TSC22D1: variants seen among roughly 807,000 people sequenced by gnomAD.
TSC22D1 encodes TSC22 domain family member 1.
In TSC22D1, 9 loss-of-function variants were observed where a neutral mutation model predicts 74.2. The observed-to-expected ratio is 0.12, with a 90% CI of 0.07 to 0.21. The LOEUF (loss-of-function observed/expected upper bound fraction) is 0.21. Among genes scored for constraint, TSC22D1 ranks in the 10% least tolerant of loss-of-function variants. TSC22D1 has a pLI of 1.00. For synonymous variants in TSC22D1, 586 were observed against 492.5 expected (o/e 1.19, Z -2.51); for missense variants, 1,427 against 1,304.7 (o/e 1.09, Z -1.44).
chr13:44,500,133 C>T (rs1879162244), intron 1 of TSC22D1, among the ~76,000 whole-genome samples: 1 of 151,216 alleles, frequency 6.6e-6, no homozygotes, highest in South Asian at 2.1e-4. Context: ...GAAAAAAGCT[C>T]ACGGCTAACT....
Position 44,575,415 on chromosome 13 carries a change from G to C in TSC22D1, c.660C>G (p.Leu220=). 6.2e-7 allele frequency: 1 copy of C among 1,613,902 alleles called. No homozygotes were observed. The highest frequency in any genetic ancestry group is 8.5e-7 in the Non-Finnish European group (1 of 1,179,910). The change falls in exon 1 of 3, where the codon CTC becomes CTG. Residue 220 remains leucine, a synonymous_variant. Transcript: ENST00000458659. The part of the protein sequence containing the change: ...VINGNAHPHH[L]HHHHQIHHGH... The stretch of plus-strand genomic sequence containing the variant: ...CATGATGAATCTGATGGTGGTGATG[G>C]AGGTGGTGTGGATGAGCATTCCCAT...
intron 1 of TSC22D1, among the ~76,000 whole-genome samples, chr13:44,450,358 A>G (rs972765204): frequency 2.6e-5 from 4 of 152,238 alleles, no homozygotes; most frequent in African/African-American, 9.6e-5. Context: ...AGGCCATGTG[A>G]TGGGAGACTG....
chr13:44,549,617 T>C (rs1477253162), intron 1 of TSC22D1, among the ~76,000 whole-genome samples: 1 of 151,350 alleles, frequency 6.6e-6, no homozygotes. Flanking sequence ...TACAAAAAAT[T>C]AGCCAGGCAT....
intron 1 of TSC22D1, among the ~76,000 whole-genome samples, chr13:44,544,010 C>T (rs1384177045): frequency 2.0e-5 from 3 of 152,116 alleles, no homozygotes; most frequent in Admixed American, 2.0e-4. Flanking sequence ...GGAGAACCGC[C>T]TGAGCCTGGG....
Position 44,575,693 on chromosome 13 carries a change from T to G in TSC22D1, c.382A>C (p.Asn128His). Reference sequence around the variant, plus strand: ...TCAGTGTCCTCTGCTATACTGTTGTTAGAGCTGATACTAGCGGAGATCTGA... The same window carrying G: ...TCAGTGTCCTCTGCTATACTGTTGTGAGAGCTGATACTAGCGGAGATCTGA... ...PAQISASISSNNSIAEDTESY... is the reference protein window; with the variant it reads ...PAQISASISSHNSIAEDTESY... The change falls in exon 1 of 3, where the codon AAC (asparagine) becomes CAC (histidine). Residue 128 changes from asparagine to histidine, a missense_variant. By Grantham distance (68) the Asn-to-His change is moderately conservative. Around this residue, in one of 3 missense-constraint regions of TSC22D1, gnomAD observed 1,343 missense variants for 1,191.5 expected, o/e 1.13. Coordinates refer to ENST00000458659, the MANE Select transcript of TSC22D1 (RefSeq NM_183422.4). The G allele has an allele frequency of 6.2e-7, 1 of 1,614,196 alleles. No homozygotes were observed. The highest frequency in any genetic ancestry group is 8.5e-7 in the Non-Finnish European group (1 of 1,180,030).
intron 1 of TSC22D1, among the ~76,000 whole-genome samples, chr13:44,511,667 A>G (rs1043471465): frequency 6.6e-6 from 1 of 151,848 alleles, no homozygotes; most frequent in African/African-American, 2.4e-5. Flanking sequence ...TGTTGTTGTT[A>G]AACAATCAGG....
intron 1 of TSC22D1, chr13:44,437,118 C>A: frequency 3.0e-6 from 3 of 983,686 alleles, no homozygotes; most frequent in Non-Finnish European, 3.6e-6. Flanking sequence ...GCCATTGCTT[C>A]GGCAGAAAAT....
intron 2 of TSC22D1, chr13:44,435,413 C>T (rs940302983): frequency 4.5e-5 from 7 of 155,940 alleles, no homozygotes; most frequent in Admixed American, 3.2e-4. Context: ...TTTATAGCTC[C>T]GAATTAAAGG....
intron 1 of TSC22D1, chr13:44,540,081 T>C (rs1208078094): frequency 2.4e-6 from 1 of 420,726 alleles, no homozygotes; most frequent in Admixed American, 3.4e-5. Flanking sequence ...ATTTTAGAAG[T>C]CTGTCACCAC....
At chr13:44,518,102 C>T (rs937824628) in intron 1 of TSC22D1, among the ~76,000 whole-genome samples, 3 of 149,906 alleles carry the variant, frequency 2.0e-5, no homozygotes, top group Admixed American at 6.7e-5. Flanking sequence ...GATCCTCCAG[C>T]GTTGGCCTCC....
chr13:44,525,260 G>A (rs1384922380), intron 1 of TSC22D1, among the ~76,000 whole-genome samples: 1 of 152,112 alleles, frequency 6.6e-6, no homozygotes, highest in African/African-American at 2.4e-5. Context: ...CAGAGCTCCT[G>A]TAAAACAGGA....
At chr13:44,436,870 G>A in intron 1 of TSC22D1, 1 of 1,212,654 alleles carries the variant, frequency 8.2e-7, no homozygotes, top group Non-Finnish European at 1.0e-6. Context: ...AGGACTCCCA[G>A]TCTTAGTGCA....
chr13:44,486,260 A>G (rs1878423434), intron 1 of TSC22D1, among the ~76,000 whole-genome samples: 1 of 152,130 alleles, frequency 6.6e-6, no homozygotes, highest in African/African-American at 2.4e-5. Flanking sequence ...AACACACTAA[A>G]ATATAAGGGC....
At chr13:44,576,783 G>C (rs1204025997), upstream of TSC22D1, among the ~76,000 whole-genome samples, 1 of 151,322 alleles carries the variant, frequency 6.6e-6, no homozygotes, top group Non-Finnish European at 1.5e-5. Context: ...CCAGCAACGA[G>C]GCGCGGGCGG....
intron 1 of TSC22D1, among the ~76,000 whole-genome samples, chr13:44,511,649 CA>C (rs1227909438): frequency 6.6e-6 from 1 of 151,740 alleles, no homozygotes; most frequent in Non-Finnish European, 1.5e-5. Flanking sequence ...CACACACACA[CA>C]CTTTTTTGTT....
intron 1 of TSC22D1, among the ~76,000 whole-genome samples, chr13:44,482,955 G>C (rs1254053883): frequency 6.6e-6 from 1 of 152,136 alleles, no homozygotes; most frequent in Non-Finnish European, 1.5e-5. Flanking sequence ...AATGCAACAA[G>C]TGCTAAAGCC....
At chr13:44,570,338 G>GC (rs1883676329) in intron 1 of TSC22D1, among the ~76,000 whole-genome samples, 1 of 151,888 alleles carries the variant, frequency 6.6e-6, no homozygotes. Context: ...CTACAGGCAT[G>GC]CGCCACCATG....
At position 44,573,776 on chromosome 13, in the gene TSC22D1, G is replaced by C; in HGVS notation, c.2299C>G (p.Pro767Ala). Reference sequence around the variant, plus strand: ...TGATGAATAATCCCAGTTTGAGCAGGTGGAACCACTTGCGAAGATGGAGGA... The same window carrying C: ...TGATGAATAATCCCAGTTTGAGCAGCTGGAACCACTTGCGAAGATGGAGGA... ...GAPPSSQVVP[P>A]AQTGIIHQGV... The change falls in exon 1 of 3, where the codon CCT becomes GCT. Residue 767 changes from proline to alanine, a missense_variant. Physicochemically the swap from Pro to Ala is conservative, Grantham distance 27. Transcript: ENST00000458659. 2 of 1,614,260 alleles carry C rather than the reference G, an allele frequency of 1.2e-6. No homozygotes were observed. Among genetic ancestry groups the C allele is most frequent in the Non-Finnish European group, 1.7e-6 (2 of 1,180,048 alleles).
Position 44,575,380 on chromosome 13 carries a change from A to AGGTGGTGACCATGTTGGT in TSC22D1, c.694_695insACCAACATGGTCACCACC (p.His231_Leu232insHisGlnHisGlyHisHis), listed in dbSNP as rs1399527991. 1 of 1,613,818 alleles carries AGGTGGTGACCATGTTGGT rather than the reference A, an allele frequency of 6.2e-7. No individual in the cohort carries two copies. Among genetic ancestry groups the AGGTGGTGACCATGTTGGT allele is most frequent in the Non-Finnish European group, 8.5e-7 (1 of 1,179,952 alleles). ...AGATGGATGGTGGTGACCATGTTGG[A>AGGTGGTGACCATGTTGGT]GGTGGTGCCCATGATGAATCTGATG... On this transcript the variant is annotated inframe_insertion, in exon 1 of 3. Coordinates refer to ENST00000458659, the MANE Select transcript of TSC22D1 (RefSeq NM_183422.4).
Sources: allele counts gnomAD v4.1 joint callset (sites outside exome capture counted in the v4.1 genomes callset), GRCh38; gene constraint gnomAD v4.1.1; regional missense constraint gnomAD v4.1.1; transcripts MANE v1.5; gene names NCBI Gene and HGNC (gene_info 2026-07-23, HGNC 2026-07-21).